Variants in FMN2 observed in about 807,000 individuals in gnomAD.
FMN2 encodes the protein formin-2.
Under a neutral mutation model 142.3 loss-of-function variants are expected in FMN2, and 51 were observed. The observed-to-expected ratio is 0.36, with a 90% CI of 0.29 to 0.45. FMN2 has a LOEUF of 0.45. Ranked by LOEUF, FMN2 falls within the 20% of genes least tolerant of loss-of-function variation. FMN2 has a pLI of 1.00. For synonymous variants in FMN2, 882 were observed against 869.8 expected, an observed-to-expected ratio of 1.01 and a Z score of -0.25; for missense variants, 1,936 against 2,122.8, an observed-to-expected ratio of 0.91 and a Z score of 1.73.
At chr1:240,308,051 A>G (rs1231376279) in intron 8 of FMN2, among the ~76,000 whole-genome samples, 4 of 152,176 alleles carry the variant, frequency 2.6e-5, no homozygotes, top group Non-Finnish European at 5.9e-5. Flanking sequence ...AAAAAAGTCA[A>G]TGTGAGGGAA....
intron 13 of FMN2, among the ~76,000 whole-genome samples, chr1:240,351,497 T>C (rs1312602554): frequency 6.6e-6 from 1 of 152,090 alleles, no homozygotes; most frequent in Non-Finnish European, 1.5e-5. Flanking sequence ...TTCTATAAAT[T>C]AGGGGGAAAA....
intron 7 of FMN2, among the ~76,000 whole-genome samples, chr1:240,264,389 T>C (rs1356994176): frequency 6.6e-6 from 1 of 152,220 alleles, no homozygotes; most frequent in Non-Finnish European, 1.5e-5. Context: ...TTATTTTTAT[T>C]TTTTTATTAT....
intron 3 of FMN2, among the ~76,000 whole-genome samples, chr1:240,180,956 A>G (rs1167220065): frequency 6.6e-6 from 1 of 151,080 alleles, no homozygotes; most frequent in Admixed American, 6.6e-5. Context: ...AAAATTGAGG[A>G]CTTTTTTTTT....
intron 2 of FMN2, among the ~76,000 whole-genome samples, chr1:240,136,823 A>G (rs1256579476): frequency 6.6e-6 from 1 of 152,162 alleles, no homozygotes; most frequent in Non-Finnish European, 1.5e-5. Context: ...CTGTAATCCC[A>G]GCACTTTGGG....
At chr1:240,339,517 T>A (rs976111934) in intron 13 of FMN2, among the ~76,000 whole-genome samples, 16 of 151,106 alleles carry the variant, frequency 1.1e-4, no homozygotes, top group African/African-American at 2.7e-4. Context: ...TTATGATTTT[T>A]AAAAAAAATT....
chr1:240,329,250 T>C, intron 9 of FMN2, 83 bp downstream of exon 9: 1 of 1,590,538 alleles, frequency 6.3e-7, no homozygotes, highest in Non-Finnish European at 8.6e-7. Context: ...TGCGGTGTCT[T>C]CAGTGCATAC....
chr1:240,412,086 T>A (rs1369191565), intron 15 of FMN2, among the ~76,000 whole-genome samples: 1 of 152,124 alleles, frequency 6.6e-6, no homozygotes. Context: ...GAGTTGCTGC[T>A]AGTGGAAAAG....
In FMN2 at chr1:240,177,949, T is replaced by C; in HGVS notation, c.1811T>C (p.Val604Ala). ...DQDQLYTWAA[V>A]SQPTHSLDYS... ...GATCAACTTTATACCTGGGCTGCAG[T>C]TAGTCAACCCACACACTCATTGGAC... Residue 604 changes from valine to alanine, a missense_variant, in exon 3 of 18, where the codon GTT (valine) becomes GCT (alanine). Around this residue, in one of 8 missense-constraint regions of FMN2, gnomAD observed 478 missense variants for 462.8 expected, o/e 1.03. Coordinates refer to ENST00000319653, the MANE Select transcript of FMN2 (RefSeq NM_020066.5). 1 of 1,594,022 alleles carries C rather than the reference T, an allele frequency of 6.3e-7. No individual in the cohort carries two copies. Among genetic ancestry groups the C allele is most frequent in the South Asian group, 1.2e-5 (1 of 86,188 alleles).
At chr1:240,155,895 T>A (rs1664003559) in intron 2 of FMN2, among the ~76,000 whole-genome samples, 1 of 104,304 alleles carries the variant, frequency 9.6e-6, no homozygotes, top group South Asian at 2.9e-4. Flanking sequence ...AATTAGATAC[T>A]TTTTTTTTTT....
At chr1:240,120,973 T>C (rs1323859036) in intron 1 of FMN2, among the ~76,000 whole-genome samples, 1 of 152,070 alleles carries the variant, frequency 6.6e-6, no homozygotes, top group East Asian at 1.9e-4. Flanking sequence ...GTCTGACCAA[T>C]ATGGTGAAAC....
chr1:240,223,482 G>A (rs1174420372), intron 6 of FMN2, among the ~76,000 whole-genome samples: 2 of 152,136 alleles, frequency 1.3e-5, no homozygotes, highest in African/African-American at 2.4e-5. Context: ...TTGGTATCAG[G>A]ATGATGCTGG....
intron 2 of FMN2, among the ~76,000 whole-genome samples, chr1:240,126,364 A>AC (rs367989696): frequency 0.062 from 8,061 of 129,448 alleles, 264 homozygotes; most frequent in Middle Eastern, 0.093. Flanking sequence ...CTTCCTACCT[A>AC]CCCCCCCCCA....
chr1:240,242,109 T>C (rs919280579), intron 6 of FMN2, among the ~76,000 whole-genome samples: 6 of 151,976 alleles, frequency 3.9e-5, no homozygotes, highest in Non-Finnish European at 8.8e-5. Context: ...CCTCCCAAAG[T>C]GCTGGGATGA....
At chr1:240,223,850 T>G (rs1489304166) in intron 6 of FMN2, among the ~76,000 whole-genome samples, 1 of 152,088 alleles carries the variant, frequency 6.6e-6, no homozygotes, top group Non-Finnish European at 1.5e-5. Flanking sequence ...TCATTTTTTA[T>G]TGTGTCTATT....
intron 16 of FMN2, among the ~76,000 whole-genome samples, chr1:240,441,502 CTCCTA>C (rs771619164): frequency 6.6e-6 from 1 of 152,000 alleles, no homozygotes; most frequent in African/African-American, 2.4e-5. Context: ...CACCTCTGTA[CTCCTA>C]TCCTATTTAC....
chr1:240,098,692 G>A (rs1661308105), intron 1 of FMN2, among the ~76,000 whole-genome samples: 1 of 152,170 alleles, frequency 6.6e-6, no homozygotes, highest in Non-Finnish European at 1.5e-5. Flanking sequence ...CCAGAACACT[G>A]ATCTTCAATC....
At chr1:240,456,793 G>C (rs1676262058) in intron 16 of FMN2, among the ~76,000 whole-genome samples, 1 of 152,200 alleles carries the variant, frequency 6.6e-6, no homozygotes, top group Non-Finnish European at 1.5e-5. Flanking sequence ...TAAGCCCTAA[G>C]AATTTGGGGT....
chr1:240,239,857 C>T (rs1290518275), intron 6 of FMN2, among the ~76,000 whole-genome samples: 1 of 152,162 alleles, frequency 6.6e-6, no homozygotes, highest in African/African-American at 2.4e-5. Context: ...GAATATTTAA[C>T]ATTTTCTCTA....
chr1:240,185,121 C>T (rs1394210239), intron 3 of FMN2, among the ~76,000 whole-genome samples: 1 of 144,370 alleles, frequency 6.9e-6, no homozygotes. Context: ...TATACCTTCC[C>T]CCTTCTCTTT....
Sources: allele counts gnomAD v4.1 joint callset (sites outside exome capture counted in the v4.1 genomes callset), GRCh38; gene constraint gnomAD v4.1.1; regional missense constraint gnomAD v4.1.1; transcripts MANE v1.5; gene names NCBI Gene and HGNC (gene_info 2026-07-23, HGNC 2026-07-21).